ATRN: variants seen among roughly 807,000 people sequenced by gnomAD.
ATRN encodes the protein attractin, also known as attractin-2.
A neutral mutation model predicts 178.7 loss-of-function variants in ATRN; 54 were observed. The observed-to-expected ratio is 0.30, with a 90% CI of 0.24 to 0.38. The LOEUF is 0.38. ATRN is among the 10% of genes least tolerant of loss of function. ATRN has a pLI of 1.00. For missense variants in ATRN, 1,443 were observed against 1,815.1 expected, an observed-to-expected ratio of 0.79 and a Z score of 3.73; for synonymous variants, 636 against 663.0, an observed-to-expected ratio of 0.96 and a Z score of 0.63.
At chr20:3,477,725 G>T (rs971542477) in intron 1 of ATRN, among the ~76,000 whole-genome samples, 1 of 152,170 alleles carries the variant, frequency 6.6e-6, no homozygotes, top group Admixed American at 6.5e-5. Context: ...ATGAGGGCAG[G>T]GGCCTGGAGC....
intron 6 of ATRN, 39 bp from the exon 7 acceptor site, chr20:3,559,353 CT>C (rs2085920474): frequency 2.8e-6 from 4 of 1,404,400 alleles, no homozygotes; most frequent in African/African-American, 1.4e-5. Flanking sequence ...GATGTTCTGT[CT>C]TATTAGTTGG....
chr20:3,475,851 A>G (rs758758891), intron 1 of ATRN, among the ~76,000 whole-genome samples: 2 of 152,224 alleles, frequency 1.3e-5, no homozygotes, highest in Non-Finnish European at 2.9e-5. Flanking sequence ...CAGCACATAC[A>G]GTAATAATAG....
chr20:3,556,860 C>G (rs1382801197), intron 6 of ATRN, among the ~76,000 whole-genome samples: 4 of 152,032 alleles, frequency 2.6e-5, no homozygotes. Context: ...TTCACCTTAG[C>G]CAGATTATGG....
chr20:3,485,610 GTTTTTTTTTTTT>G (rs3084238), intron 1 of ATRN, among the ~76,000 whole-genome samples: 946 of 67,934 alleles, frequency 0.014, 22 homozygotes, highest in African/African-American at 0.047. Context: ...TTTTTTTGAG[GTTTTTTTTTTTT>G]TTTTTTTTTT....
intron 24 of ATRN, among the ~76,000 whole-genome samples, chr20:3,622,225 T>C (rs1274844483): frequency 3.3e-5 from 5 of 152,216 alleles, no homozygotes; most frequent in Non-Finnish European, 1.5e-5. Flanking sequence ...ACTCCTTAGT[T>C]TTCCCAAAGT....
chr20:3,639,648 C>T (rs1001253270), intron 27 of ATRN, among the ~76,000 whole-genome samples: 1 of 152,064 alleles, frequency 6.6e-6, no homozygotes, highest in African/African-American at 2.4e-5. Context: ...CCCCCCTCCC[C>T]AAAATGATGA....
At chr20:3,513,793 T>C (rs1006569373) in intron 1 of ATRN, among the ~76,000 whole-genome samples, 13 of 152,208 alleles carry the variant, frequency 8.5e-5, no homozygotes, top group Non-Finnish European at 1.8e-4. Context: ...TAGTTCTCCT[T>C]GAAGAGGTCC....
intron 27 of ATRN, among the ~76,000 whole-genome samples, chr20:3,641,762 G>T (rs948892205): frequency 2.6e-5 from 4 of 151,952 alleles, no homozygotes; most frequent in Admixed American, 1.3e-4. Flanking sequence ...GAACAAGGAT[G>T]AAATAAAGAT....
At chr20:3,562,212 G>A in intron 8 of ATRN, 64 bp from the exon 9 acceptor site, 1 of 1,393,008 alleles carries the variant, frequency 7.2e-7, no homozygotes, top group Non-Finnish European at 9.9e-7. Context: ...AAGCTCTTTG[G>A]ACATTTTCAG....
At chr20:3,605,107 A>C (rs372498586) in intron 24 of ATRN, among the ~76,000 whole-genome samples, 1 of 152,228 alleles carries the variant, frequency 6.6e-6, no homozygotes, top group Admixed American at 6.5e-5. Context: ...GCCAATGTTC[A>C]GAAGCATAAT....
chr20:3,594,445 A>G (rs2146276874), intron 19 of ATRN, 34 bp from the exon 20 acceptor site: 2 of 1,546,038 alleles, frequency 1.3e-6, no homozygotes, highest in Non-Finnish European at 8.8e-7. Context: ...TTTTTAAGCC[A>G]GTTGTGACCT....
intron 24 of ATRN, among the ~76,000 whole-genome samples, chr20:3,615,671 TC>T (rs1266564516): frequency 6.7e-6 from 1 of 149,288 alleles, no homozygotes; most frequent in East Asian, 2.0e-4. Context: ...TTCTCGTGCC[TC>T]AGCCTTGCGA....
chr20:3,492,865 G>C, intron 1 of ATRN, among the ~76,000 whole-genome samples: 1 of 121,328 alleles, frequency 8.2e-6, no homozygotes. Flanking sequence ...GCGCGCGCGC[G>C]CGTGCGCACG....
chr20:3,594,453 C>T (rs2086495561), intron 19 of ATRN, 26 bp from the exon 20 acceptor site: 3 of 1,572,920 alleles, frequency 1.9e-6, no homozygotes, highest in Non-Finnish European at 2.6e-6. Flanking sequence ...CCAGTTGTGA[C>T]CTCTGTTCCT....
chr20:3,551,308 C>T (rs1405946192), intron 6 of ATRN, among the ~76,000 whole-genome samples: 1 of 152,178 alleles, frequency 6.6e-6, no homozygotes, highest in Non-Finnish European at 1.5e-5. Flanking sequence ...GTCACCCTGG[C>T]CCCCAGCTGC....
intron 1 of ATRN, among the ~76,000 whole-genome samples, chr20:3,523,457 T>C (rs1301436025): frequency 6.6e-6 from 1 of 152,118 alleles, no homozygotes; most frequent in African/African-American, 2.4e-5. Flanking sequence ...TACCTGAAAG[T>C]GATGGGGAGA....
At chr20:3,597,059 C>CATATATATATATATATATATATAT (rs1405842422) in intron 21 of ATRN, among the ~76,000 whole-genome samples, 4 of 24,372 alleles carry the variant, frequency 1.6e-4, no homozygotes, top group South Asian at 3.0e-3. Context: ...AATATGACTT[C>CATATATATATATATATATATATAT]ATATATATAT....
rs1600170690 is a variant in ATRN at position 3,632,845 on chromosome 20, T to C, written c.3864-1466T>C. Among the ~76,000 whole-genome samples, 1 of 152,220 alleles carries C rather than the reference T, an allele frequency of 6.6e-6. No homozygotes were observed. The highest frequency in any genetic ancestry group is 6.5e-5 in the Admixed American group (1 of 15,278). On this transcript the variant is annotated intron_variant, in intron 25 of 28. Transcript: ENST00000262919. The surrounding 1 kb of genome is among the most constrained non-coding windows in gnomAD (Gnocchi z 4.2). ...AACAGGACCTGACCCAATTAAAGTA[T>C]TGATTAAAAAGACAATGTAGGCCAG... is the stretch of plus-strand genomic sequence containing the variant.
intron 19 of ATRN, among the ~76,000 whole-genome samples, chr20:3,591,830 G>A (rs940921438): frequency 2.0e-5 from 3 of 152,194 alleles, no homozygotes; most frequent in African/African-American, 7.2e-5. Flanking sequence ...CTTGGTGCCT[G>A]AAGAAGACCT....
Sources: allele counts gnomAD v4.1 joint callset (sites outside exome capture counted in the v4.1 genomes callset), GRCh38; gene constraint gnomAD v4.1.1; non-coding constraint Gnocchi (gnomAD v3.1); transcripts MANE v1.5; gene names NCBI Gene and HGNC (gene_info 2026-07-23, HGNC 2026-07-21).